The following LRRC39 variants were observed in gnomAD, a reference collection of about 807,000 sequenced individuals.
LRRC39 encodes the protein leucine rich repeat containing 39, also known as leucine-rich repeat-containing protein 39.
A neutral mutation model predicts 39.7 loss-of-function variants in LRRC39; 35 were observed. That is an observed-to-expected ratio of 0.88 (90% CI 0.67 to 1.17). The LOEUF is 1.17. Ranked by LOEUF, LRRC39 falls within the 50% of genes most tolerant of loss-of-function variation. The pLI is 0.00. For synonymous variants in LRRC39, 113 were observed against 134.1 expected, an observed-to-expected ratio of 0.84 and a Z score of 1.09; for missense variants, 357 against 385.8, an observed-to-expected ratio of 0.93 and a Z score of 0.62.
At chr1:100,179,499 C>CAAAAAA (rs60588308), upstream of LRRC39, among the ~76,000 whole-genome samples, 503 of 45,526 alleles carry the variant, frequency 0.011, 29 homozygotes, top group African/African-American at 0.013. Context: ...CTGTATCTAC[C>CAAAAAA]AAAAAAAAAA....
intron 3 of LRRC39, among the ~76,000 whole-genome samples, chr1:100,161,075 A>G (rs1557925885): frequency 6.6e-6 from 1 of 152,172 alleles, no homozygotes. Context: ...TCATAACTCT[A>G]TAGATTTTAT....
At chr1:100,152,596 T>A in intron 8 of LRRC39, 72 bp from the exon 9 acceptor site, 2 of 1,508,932 alleles carry the variant, frequency 1.3e-6, no homozygotes, top group Non-Finnish European at 1.8e-6. Context: ...TGGAGAAAGG[T>A]CAAATGATAA....
At chr1:100,153,366 G>A (rs1658197227) in intron 8 of LRRC39, among the ~76,000 whole-genome samples, 1 of 152,072 alleles carries the variant, frequency 6.6e-6, no homozygotes, top group Non-Finnish European at 1.5e-5. Flanking sequence ...GAAATCCTAG[G>A]AAAAACTCTT....
In LRRC39 at chr1:100,149,376, C is replaced by T; in HGVS notation, c.953-279G>A. On this transcript the variant is annotated intron_variant, in intron 9 of 9. Coordinates refer to ENST00000370137, the MANE Select transcript of LRRC39 (RefSeq NM_144620.4). The stretch of plus-strand genomic sequence containing the variant: ...AATTAATGAAGTCACCTTCAAATTT[C>T]CAGAGCCATACATGTATATATTGTC... 3 of 1,544,616 alleles carry T rather than the reference C, an allele frequency of 1.9e-6. No homozygotes were observed. In the South Asian group the frequency reaches 3.7e-5, roughly 19 times the overall value.
chr1:100,169,655 C>A lies in LRRC39; in HGVS notation c.-78-1061G>T, dbSNP rs530085521. Among the ~76,000 whole-genome samples the A allele has an allele frequency of 1.4e-3, 215 of 152,168 alleles. No individual in the cohort carries two copies. The South Asian group carries it at 0.027, about 19-fold the overall frequency. ...ATCTTATATATTCATATGCCATGAT[C>A]TCCAAAATATATAACTATCCCACAG... On this transcript the variant is annotated intron_variant, in intron 2 of 9. Transcript: ENST00000370137.
chr1:100,160,620 C>A, intron 3 of LRRC39, 49 bp from the exon 4 acceptor site: 1 of 1,416,980 alleles, frequency 7.1e-7, no homozygotes, highest in Non-Finnish European at 9.7e-7. Context: ...ACATAAGTGG[C>A]ATTCACTTTT....
At chr1:100,155,912 G>GCATGTAATCCTGGCTCAGGCA (rs1658413042) in intron 7 of LRRC39, among the ~76,000 whole-genome samples, 1 of 152,186 alleles carries the variant, frequency 6.6e-6, no homozygotes, top group Admixed American at 6.5e-5. Context: ...TTTTGGCCAG[G>GCATGTAATCCTGGCTCAGGCA]TGTGGTGGCT....
Position 100,170,004 on chromosome 1 carries a change from G to A in LRRC39, c.-78-1410C>T, listed in dbSNP as rs76636813. Among the ~76,000 whole-genome samples, 32 of 152,232 alleles carry A rather than the reference G, an allele frequency of 2.1e-4. 1 individual carries two copies. The East Asian group carries it at 6.2e-3, about 29-fold the overall frequency. On this transcript the variant is annotated intron_variant, in intron 2 of 9. Coordinates refer to ENST00000370137, the MANE Select transcript of LRRC39 (RefSeq NM_144620.4). ...ATTTGTACTTCCCTGATGATTAAGT[G>A]TTCCAAGTTAATATACAAAGGTTGT...
At chr1:100,159,600 CTTTTCCTTTTTT>C (rs1455901607) in intron 4 of LRRC39, among the ~76,000 whole-genome samples, 185 bp from the exon 5 acceptor site, 1 of 72,668 alleles carries the variant, frequency 1.4e-5, no homozygotes, top group African/African-American at 6.2e-5. Flanking sequence ...TTTTTTTTTT[CTTTTCCTTTTTT>C]TTTTTTTTTT....
At chr1:100,179,132 C>G (rs1367334315), upstream of LRRC39, among the ~76,000 whole-genome samples, 2 of 152,064 alleles carry the variant, frequency 1.3e-5, no homozygotes, top group African/African-American at 4.8e-5. Context: ...AGCAGTTTAG[C>G]GTGTAGGTGG....
At chr1:100,161,663 T>C (rs983173408) in intron 3 of LRRC39, among the ~76,000 whole-genome samples, 5 of 152,218 alleles carry the variant, frequency 3.3e-5, no homozygotes, top group African/African-American at 9.7e-5. Context: ...TTTTTCTTTT[T>C]TGAGACAAAG....
chr1:100,168,123 C>T (rs1659371205), intron 3 of LRRC39, among the ~76,000 whole-genome samples: 1 of 152,024 alleles, frequency 6.6e-6, no homozygotes, highest in Non-Finnish European at 1.5e-5. Context: ...ACATACAATC[C>T]TGAAAATTAG....
At chr1:100,166,116 G>C (rs890825512) in intron 3 of LRRC39, among the ~76,000 whole-genome samples, 9 of 151,878 alleles carry the variant, frequency 5.9e-5, no homozygotes, top group African/African-American at 1.7e-4. Flanking sequence ...TCTTCCTTTG[G>C]CTTCCACCAT....
chr1:100,152,808 C>T (rs1658153328), intron 8 of LRRC39, among the ~76,000 whole-genome samples: 1 of 152,112 alleles, frequency 6.6e-6, no homozygotes, highest in Non-Finnish European at 1.5e-5. Context: ...CTCATGGCAC[C>T]CTCCACCTCC....
At chr1:100,158,933 T>C (rs892438428) in intron 5 of LRRC39, among the ~76,000 whole-genome samples, 13 of 152,310 alleles carry the variant, frequency 8.5e-5, no homozygotes, top group African/African-American at 3.1e-4. Flanking sequence ...GATTTTTTTT[T>C]CCCATTTGAA....
intron 3 of LRRC39, among the ~76,000 whole-genome samples, chr1:100,162,765 G>C (rs545241223): frequency 6.6e-6 from 1 of 152,160 alleles, no homozygotes; most frequent in African/African-American, 2.4e-5. Context: ...ATTTTAGGCT[G>C]TTAAAAGGAT....
chr1:100,179,112 A>G (rs1241994103), upstream of LRRC39, among the ~76,000 whole-genome samples: 2 of 152,182 alleles, frequency 1.3e-5, no homozygotes, highest in Admixed American at 1.3e-4. Flanking sequence ...ATTCTTTTTA[A>G]TGGCTACATA....
intron 3 of LRRC39, among the ~76,000 whole-genome samples, chr1:100,164,896 G>A (rs868706035): frequency 6.6e-6 from 1 of 151,676 alleles, no homozygotes; most frequent in African/African-American, 2.4e-5. Flanking sequence ...TTAGAGATGG[G>A]GTCTCGCTAT....
intron 9 of LRRC39, chr1:100,150,334 AAGTT>A (rs1657859991): frequency 6.6e-6 from 1 of 152,172 alleles, no homozygotes; most frequent in Non-Finnish European, 1.5e-5. Context: ...TAGTTTGTTT[AAGTT>A]AGTTACCCAT....
Sources: gnomAD v4.1 joint callset for allele counts (sites outside exome capture counted in the v4.1 genomes callset) on GRCh38, gnomAD v4.1.1 for gene constraint, MANE v1.5 for transcripts, NCBI Gene and HGNC (gene_info 2026-07-23, HGNC 2026-07-21) for gene names.